Variants in MID1 observed in about 807,000 individuals in gnomAD.
The protein encoded by MID1 is E3 ubiquitin-protein ligase Midline-1.
Under a neutral mutation model 40.4 loss-of-function variants are expected in MID1, and 7 were observed. The ratio of observed to expected loss-of-function variants is 0.17; its 90% confidence interval spans 0.10 to 0.33. The LOEUF (loss-of-function observed/expected upper bound fraction) is 0.33, where lower values mean the gene tolerates loss of function less well. Among genes scored for constraint, MID1 ranks in the 10% least tolerant of loss-of-function variants. The probability of loss-of-function intolerance (pLI) is 1.00; values close to 1 mark genes in which losing one functional copy is unlikely to be tolerated. For synonymous variants in MID1, 229 were observed against 221.2 expected (o/e 1.04, Z -0.31); for missense variants, 367 against 558.5 (o/e 0.66, Z 3.46).
chrX:10,702,505 T>C (rs2043199082), intron 1 of MID1, among the ~76,000 whole-genome samples: 1 of 112,567 alleles, frequency 8.9e-6, no homozygotes, highest in Non-Finnish European at 1.9e-5. Flanking sequence ...TTAAATCACA[T>C]ATACACCAAG....
At chrX:10,568,662 C>T (rs909518293) in intron 1 of MID1, among the ~76,000 whole-genome samples, 1 of 110,854 alleles carries the variant, frequency 9.0e-6, no homozygotes, top group Non-Finnish European at 1.9e-5. Flanking sequence ...AGCTATGTTG[C>T]TCTCCTCCAG....
At chrX:10,762,436 G>A (rs1341323414) in intron 1 of MID1, among the ~76,000 whole-genome samples, 1 of 110,108 alleles carries the variant, frequency 9.1e-6, no homozygotes, top group African/African-American at 3.3e-5. Context: ...CCATCTTATG[G>A]ACACATTTCC....
intron 2 of MID1, among the ~76,000 whole-genome samples, chrX:10,535,450 T>C (rs1227224338): frequency 8.9e-6 from 1 of 112,684 alleles, no homozygotes; most frequent in Non-Finnish European, 1.9e-5. Context: ...TGTAGAAGTA[T>C]AAATTTATGT....
chrX:10,458,864 C>G (rs12852495), intron 8 of MID1, among the ~76,000 whole-genome samples: 4 of 111,404 alleles, frequency 3.6e-5, no homozygotes, highest in African/African-American at 1.3e-4. Context: ...GGCGCCATAC[C>G]GACACACTCC....
intron 5 of MID1, chrX:10,475,091 C>T (rs1046535396): frequency 2.3e-5 from 8 of 340,965 alleles, no homozygotes; most frequent in Non-Finnish European, 4.5e-5. Context: ...CAGCAAGAAG[C>T]GCGTAGCTCT....
chrX:10,562,871 TATA>T (rs1934396799), intron 2 of MID1, among the ~76,000 whole-genome samples: 1 of 106,794 alleles, frequency 9.4e-6, no homozygotes, highest in East Asian at 2.8e-4. Context: ...TCAGGAAGAT[TATA>T]ATATTAAATA....
At chrX:10,555,014 G>A (rs992750708) in intron 2 of MID1, among the ~76,000 whole-genome samples, 35 of 111,901 alleles carry the variant, frequency 3.1e-4, no homozygotes, top group African/African-American at 9.1e-4. Flanking sequence ...TAGCACTTCC[G>A]CAAGTTTGCT....
chrX:10,666,256 G>A (rs369958316), intron 1 of MID1, among the ~76,000 whole-genome samples: 15 of 110,805 alleles, frequency 1.4e-4, no homozygotes, highest in Non-Finnish European at 2.6e-4. Context: ...CTTCTCAGTC[G>A]CTATTGATGT....
chrX:10,606,389 T>C (rs978375078), intron 1 of MID1, among the ~76,000 whole-genome samples: 1 of 111,441 alleles, frequency 9.0e-6, no homozygotes, highest in Non-Finnish European at 1.9e-5. Flanking sequence ...CTATAATTTA[T>C]ATAATAATTA....
chrX:10,564,084 C>T (rs1321537862), intron 2 of MID1, among the ~76,000 whole-genome samples: 1 of 112,078 alleles, frequency 8.9e-6, no homozygotes, highest in African/African-American at 3.2e-5. Context: ...AATCTATTGT[C>T]TTATCAATGA....
intron 1 of MID1, among the ~76,000 whole-genome samples, chrX:10,754,465 T>C (rs1372842948): frequency 9.0e-6 from 1 of 111,155 alleles, no homozygotes; most frequent in Non-Finnish European, 1.9e-5. Flanking sequence ...GGGAAAAAAA[T>C]GCTGTTGTAA....
In MID1 at chrX:10,604,168, A is replaced by T. The variant is rs760653138; in HGVS notation, c.-57+16122T>A. On this transcript the variant is annotated intron_variant, in intron 1 of 9. Transcript: ENST00000317552. The stretch of plus-strand genomic sequence containing the variant: ...CAGATATTCAATATTATATTCCTTA[A>T]AAAAAAAATATTTGAGCCAAAGGCT... Among the ~76,000 whole-genome samples, 5 of 110,633 alleles carry T rather than the reference A, an allele frequency of 4.5e-5. No homozygotes were observed. The South Asian group carries it at 1.9e-3, about 42-fold the overall frequency.
intron 3 of MID1, among the ~76,000 whole-genome samples, chrX:10,513,103 A>G (rs1932237538): frequency 8.9e-6 from 1 of 112,521 alleles, no homozygotes; most frequent in African/African-American, 3.2e-5. Context: ...ATTTTTTCCT[A>G]CAACATTTAA....
intron 1 of MID1, among the ~76,000 whole-genome samples, chrX:10,779,941 G>C (rs1427067866): frequency 4.6e-5 from 5 of 107,594 alleles, no homozygotes; most frequent in African/African-American, 1.4e-4. Flanking sequence ...ACAATTTCTA[G>C]AGAGTCCTAT....
intron 1 of MID1, among the ~76,000 whole-genome samples, chrX:10,609,908 C>T (rs1305429562): frequency 2.7e-5 from 3 of 110,134 alleles, no homozygotes; most frequent in Non-Finnish European, 5.7e-5. Flanking sequence ...TTAGTAGAGA[C>T]GGGGTTTCAC....
Position 10,761,318 on chromosome X carries a change from T to C in MID1, c.-187+72236A>G, listed in dbSNP as rs889292303. Reference sequence around the variant, plus strand: ...TCTATAGGTGAAGAATATGCTGCTTTCCTCAAATGTTTATGCCTTTTTAAA... The same window carrying C: ...TCTATAGGTGAAGAATATGCTGCTTCCCTCAAATGTTTATGCCTTTTTAAA... On this transcript the variant is annotated intron_variant, in intron 1 of 10. Coordinates refer to the MID1 transcript ENST00000380785. Among the ~76,000 whole-genome samples the C allele has an allele frequency of 3.6e-5, 4 of 112,196 alleles. No individual in the cohort carries two copies. The East Asian group carries it at 1.1e-3, about 31-fold the overall frequency.
At chrX:10,830,803 C>A (rs1455655009) in intron 1 of MID1, among the ~76,000 whole-genome samples, 2 of 112,040 alleles carry the variant, frequency 1.8e-5, no homozygotes, top group African/African-American at 6.5e-5. Flanking sequence ...AATAGAATAG[C>A]ACACACACAT....
chrX:10,618,407 T>C (rs1935875600), intron 1 of MID1, among the ~76,000 whole-genome samples: 1 of 111,840 alleles, frequency 8.9e-6, no homozygotes, highest in Admixed American at 9.5e-5. Flanking sequence ...ATTCTTGTTC[T>C]GACTGCAGTG....
At chrX:10,659,832 C>G (rs1219313852) in intron 1 of MID1, among the ~76,000 whole-genome samples, 1 of 111,646 alleles carries the variant, frequency 9.0e-6, no homozygotes, top group Non-Finnish European at 1.9e-5. Flanking sequence ...GTGTGGGGTT[C>G]ATGTCCTTAT....
Sources: gnomAD v4.1 joint callset for allele counts (sites outside exome capture counted in the v4.1 genomes callset) on GRCh38, gnomAD v4.1.1 for gene constraint, MANE v1.5 for transcripts, NCBI Gene and HGNC (gene_info 2026-07-23, HGNC 2026-07-21) for gene names.